The following CACNA1D variants were observed in gnomAD, a reference collection of about 807,000 sequenced individuals.
CACNA1D encodes the protein voltage-dependent L-type calcium channel subunit alpha-1D.
CACNA1D carries 55 observed loss-of-function variants against 257.1 expected under a neutral mutation model. The ratio of observed to expected loss-of-function variants is 0.21; its 90% CI spans 0.17 to 0.27. CACNA1D has a LOEUF of 0.27. Among genes scored for constraint, CACNA1D ranks in the 10% least tolerant of loss-of-function variants. CACNA1D has a pLI of 1.00. For synonymous variants in CACNA1D, 980 were observed against 1,014.9 expected, an observed-to-expected ratio of 0.97 and a Z score of 0.65; for missense variants, 1,876 against 2,784.0, an observed-to-expected ratio of 0.67 and a Z score of 7.34.
intron 29 of CACNA1D, among the ~76,000 whole-genome samples, chr3:53,754,226 A>C (rs2095247519): frequency 1.3e-5 from 2 of 152,338 alleles, no homozygotes; most frequent in South Asian, 4.1e-4. Flanking sequence ...CTTGACTTTA[A>C]CACAAAATGA....
intron 11 of CACNA1D, 42 bp from the exon 12 acceptor site, chr3:53,722,272 C>T (rs376034804): frequency 4.4e-6 from 7 of 1,605,636 alleles, no homozygotes; most frequent in Non-Finnish European, 6.0e-6. Context: ...TACTCAGATG[C>T]TGTATCTGTC....
At chr3:53,649,982 G>A (rs2094071149) in intron 3 of CACNA1D, among the ~76,000 whole-genome samples, 1 of 152,186 alleles carries the variant, frequency 6.6e-6, no homozygotes, top group African/African-American at 2.4e-5. Flanking sequence ...GTTGGAACTG[G>A]AAAGGTTCTA....
chr3:53,735,599 A>T, intron 20 of CACNA1D, 96 bp downstream of exon 20: 1 of 1,368,370 alleles, frequency 7.3e-7, no homozygotes, highest in South Asian at 1.2e-5. Context: ...CCTCAAGGTG[A>T]CAGCTAGAGT....
intron 30 of CACNA1D, among the ~76,000 whole-genome samples, chr3:53,764,915 A>G (rs2108967265): frequency 6.6e-6 from 1 of 152,334 alleles, no homozygotes; most frequent in South Asian, 2.1e-4. Flanking sequence ...TTTCCTGGTC[A>G]GCTGTGGCCT....
intron 9 of CACNA1D, 34 bp from the exon 10 acceptor site, chr3:53,718,267 C>T (rs28365110): frequency 7.0e-6 from 11 of 1,581,552 alleles, no homozygotes; most frequent in Non-Finnish European, 7.8e-6. Context: ...CAGTGTGCCC[C>T]GCATGCTCTC....
In CACNA1D at chr3:53,723,275, G is replaced by A. The variant is rs549769042; in HGVS notation, c.1667-159G>A. Among the ~76,000 whole-genome samples, 3 of 152,230 alleles carry A rather than the reference G, an allele frequency of 2.0e-5. No homozygotes were observed. Among genetic ancestry groups the A allele is most frequent in the East Asian group, 3.9e-4 (2 of 5,160 alleles). ...AGAACCTGGTGGACAGACTGTCCACGCGAAGGCCACGTTTCTGTCCTGAGT... is the reference window on the plus strand; with the variant it reads ...AGAACCTGGTGGACAGACTGTCCACACGAAGGCCACGTTTCTGTCCTGAGT... On this transcript the variant is annotated intron_variant, in intron 12 of 47. Coordinates refer to ENST00000350061, the MANE Select transcript of CACNA1D (RefSeq NM_001128840.3). The surrounding 1 kb of genome is among the most constrained non-coding windows in gnomAD (Gnocchi z 5.6).
At chr3:53,586,440 A>AT (rs397950611) in intron 3 of CACNA1D, among the ~76,000 whole-genome samples, 28,605 of 145,146 alleles carry the variant, frequency 0.2, 2,826 homozygotes, top group Middle Eastern at 0.3. Flanking sequence ...GTCCTCACCT[A>AT]TTTTTTTTTT....
At chr3:53,782,260 G>A (rs369738153) in intron 39 of CACNA1D, 617 of 46,102 alleles carry the variant, frequency 0.013, 1 homozygote, top group Middle Eastern at 0.043. Context: ...GTGTGTGTGT[G>A]TGTGTATATA....
In CACNA1D at chr3:53,660,208, C is replaced by T; in HGVS notation, c.699C>T (p.Gly233=). 1 of 1,613,994 alleles carries T rather than the reference C, an allele frequency of 6.2e-7. No homozygotes were observed. Among genetic ancestry groups the T allele is most frequent in the South Asian group, 1.1e-5 (1 of 91,082 alleles). The change falls in exon 5 of 48, where the codon GGC becomes GGT. Residue 233 remains glycine (G), a synonymous_variant. Transcript: ENST00000350061. Reference sequence around the variant, plus strand: ...ACCACTCAAGCGGCAAATCTGGAGGCTTTGATGTCAAAGCCCTCCGTGCCT... The same window carrying T: ...ACCACTCAAGCGGCAAATCTGGAGGTTTTGATGTCAAAGCCCTCCGTGCCT... ...GGNHSSGKSG[G]FDVKALRAFR...
chr3:53,522,323 A>G (rs2091611399), intron 3 of CACNA1D, among the ~76,000 whole-genome samples: 1 of 152,122 alleles, frequency 6.6e-6, no homozygotes, highest in African/African-American at 2.4e-5. Flanking sequence ...TGGGTCCCTC[A>G]TCTACCTGCT....
chr3:53,662,734 C>G (rs576312684), intron 5 of CACNA1D, among the ~76,000 whole-genome samples: 1 of 152,048 alleles, frequency 6.6e-6, no homozygotes, highest in Non-Finnish European at 1.5e-5. Flanking sequence ...TACAAAGGAG[C>G]GGAATGCAAT....
intron 3 of CACNA1D, among the ~76,000 whole-genome samples, chr3:53,529,988 G>A (rs566375984): frequency 2.0e-5 from 3 of 152,238 alleles, no homozygotes; most frequent in East Asian, 1.9e-4. Context: ...CATCTGTTGA[G>A]TTATTTTGCA....
At chr3:53,539,070 T>C (rs2092221490) in intron 3 of CACNA1D, among the ~76,000 whole-genome samples, 1 of 152,180 alleles carries the variant, frequency 6.6e-6, no homozygotes, top group South Asian at 2.1e-4. Flanking sequence ...TTTGTCTGTT[T>C]TGAATTTTAT....
rs1204518227 is a variant in CACNA1D, at chr3:53,494,765, G to C, written c.-402G>C. ...CGGGCACCGCGGCGGGCGGGCAGAC[G>C]GGCGGGCATGGGGGGAGCGCCGAGC... On this transcript the variant is annotated 5_prime_UTR_variant, in exon 1 of 48. Coordinates refer to ENST00000350061, the MANE Select transcript of CACNA1D (RefSeq NM_001128840.3). 1.4e-5 allele frequency: 2 copies of C among 147,310 alleles called. No individual in the cohort carries two copies. Among genetic ancestry groups the C allele is most frequent in the Non-Finnish European group, 3.0e-5 (2 of 65,980 alleles). 9.1% of individuals were successfully genotyped at this position (147,310 alleles called of 1,614,324 possible). A position where few individuals can be genotyped will look rare whatever the true frequency, so the allele number is the denominator to read the frequency against.
At chr3:53,593,108 G>GTGCA (rs1458737994) in intron 3 of CACNA1D, among the ~76,000 whole-genome samples, 1 of 152,190 alleles carries the variant, frequency 6.6e-6, no homozygotes, top group Non-Finnish European at 1.5e-5. Flanking sequence ...GCTAAAGCAG[G>GTGCA]TGCAGGATAA....
chr3:53,515,232 C>T (rs964474102), intron 3 of CACNA1D, among the ~76,000 whole-genome samples: 2 of 152,112 alleles, frequency 1.3e-5, no homozygotes, highest in East Asian at 1.9e-4. Flanking sequence ...TGAAATCCAC[C>T]AGGTGTCTCT....
At chr3:53,705,452 A>G (rs186899903) in intron 9 of CACNA1D, among the ~76,000 whole-genome samples, 544 of 152,306 alleles carry the variant, frequency 3.6e-3, no homozygotes, top group Non-Finnish European at 6.0e-3. Context: ...TAAAGCTGCA[A>G]TGTGTCTTGG....
At chr3:53,770,655 T>C in intron 32 of CACNA1D, 103 bp downstream of exon 32, 1 of 1,030,614 alleles carries the variant, frequency 9.7e-7, no homozygotes, top group Non-Finnish European at 1.5e-6. Flanking sequence ...GTGTGGCCAC[T>C]CTGTGGACCT....
rs2095495470 is a variant in CACNA1D, at chr3:53,793,803, A to G, written c.4924-6446A>G. ...CTTGATTTGCAGTCAAACTGCAGAG[A>G]CACCGCTGTCGTTTCTCTTAAAGCC... On this transcript the variant is annotated intron_variant, in intron 40 of 47. Transcript: ENST00000350061. This position sits in a 1 kb window ranked among gnomAD's most constrained non-coding sequence, Gnocchi z 4.1. 6.6e-6 allele frequency among the ~76,000 whole-genome samples: 1 copy of G among 152,238 alleles called. No individual in the cohort carries two copies. The highest frequency in any genetic ancestry group is 2.4e-5 in the African/African-American group (1 of 41,458).
Sources: gnomAD v4.1 joint callset for allele counts (sites outside exome capture counted in the v4.1 genomes callset) on GRCh38, gnomAD v4.1.1 for gene constraint, Gnocchi (gnomAD v3.1) non-coding constraint, MANE v1.5 for transcripts, NCBI Gene and HGNC (gene_info 2026-07-23, HGNC 2026-07-21) for gene names.